Variants in NEIL3 observed in about 807,000 individuals in gnomAD.
NEIL3 encodes the protein nei like DNA glycosylase 3.
NEIL3 carries 48 observed loss-of-function variants against 57.5 expected under a neutral mutation model. That is an observed-to-expected ratio of 0.83 (90% confidence interval 0.66 to 1.06). The LOEUF is 1.06. Ranked by LOEUF, NEIL3 falls within the 50% of genes least tolerant of loss-of-function variation. The pLI is 0.00. For missense variants in NEIL3, 717 were observed against 739.1 expected, an observed-to-expected ratio of 0.97 and a Z score of 0.35; for synonymous variants, 261 against 253.2, an observed-to-expected ratio of 1.03 and a Z score of -0.29.
intron 2 of NEIL3, among the ~76,000 whole-genome samples, chr4:177,326,206 T>C (rs1734777526): frequency 6.6e-6 from 1 of 152,188 alleles, no homozygotes; most frequent in Admixed American, 6.6e-5. Flanking sequence ...TTATGATCTA[T>C]TTTGAGTTCT....
chr4:177,343,708 A>C (rs1284042408), intron 6 of NEIL3: 1 of 151,992 alleles, frequency 6.6e-6, no homozygotes, highest in Non-Finnish European at 1.5e-5. Context: ...CCGTGTTACT[A>C]TCATAGACAT....
At chr4:177,370,951 CCT>C in the NEIL3 span, among the ~76,000 whole-genome samples, 2 of 151,820 alleles carry the variant, frequency 1.3e-5, no homozygotes, top group African/African-American at 4.8e-5. Context: ...AAAAAAAGAT[CCT>C]CTGACTGCGA....
chr4:177,320,466 C>CTTTTTTTTTTTTTTTTTTTTTTTTTT (rs34353849), intron 1 of NEIL3, among the ~76,000 whole-genome samples: 1 of 77,422 alleles, frequency 1.3e-5, no homozygotes. Context: ...TGACTGCTGT[C>CTTTTTTTTTTTTTTTTTTTTTTTTTT]TTTTTTTTTT....
intron 6 of NEIL3, among the ~76,000 whole-genome samples, chr4:177,350,824 A>C (rs1397394747): frequency 6.6e-6 from 1 of 152,178 alleles, no homozygotes; most frequent in Non-Finnish European, 1.5e-5. Context: ...GGTTTAAAAA[A>C]AAGCTACTCG....
rs532358900 is a variant in NEIL3 at position 177,309,920 on chromosome 4, C to T, written c.-34C>T. On this transcript the variant is annotated 5_prime_UTR_variant, in exon 1 of 10. Coordinates refer to ENST00000264596, the MANE Select transcript of NEIL3 (RefSeq NM_018248.3). Reference sequence around the variant, plus strand: ...TGCACAGCGGTATTCTCACCAGGCCCTGCAATCGGTGGGCCACAGTGCCGG... The same window carrying T: ...TGCACAGCGGTATTCTCACCAGGCCTTGCAATCGGTGGGCCACAGTGCCGG... 5 of 1,599,324 alleles carry T rather than the reference C, an allele frequency of 3.1e-6. No individual in the cohort carries two copies. The highest frequency in any genetic ancestry group is 2.6e-6 in the Non-Finnish European group (3 of 1,174,174).
chr4:177,351,280 G>C lies in NEIL3; in HGVS notation c.870-100G>C, dbSNP rs763011252. ...ACTAACTTCCAAGCAATAATAAAGA[G>C]ATAGCATTGGGGTATTAATGGTTCT... On this transcript the variant is annotated intron_variant, in intron 6 of 9. Coordinates refer to ENST00000264596, the MANE Select transcript of NEIL3 (RefSeq NM_018248.3). 5.0e-4 allele frequency: 232 copies of C among 462,234 alleles called. 1 individual carries two copies. In the East Asian group the frequency reaches 0.013, roughly 25 times the overall value. 28.6% of individuals were successfully genotyped at this position (462,234 alleles called of 1,614,324 possible).
At chr4:177,363,592 C>T (rs569738980), downstream of NEIL3, among the ~76,000 whole-genome samples, 1 of 152,020 alleles carries the variant, frequency 6.6e-6, no homozygotes, top group Non-Finnish European at 1.5e-5. Context: ...GCTAATTGTG[C>T]AATAAAGAGG....
At chr4:177,366,461 C>A (rs769451586), downstream of NEIL3, among the ~76,000 whole-genome samples, 36 of 152,180 alleles carry the variant, frequency 2.4e-4, no homozygotes, top group African/African-American at 7.0e-4. Flanking sequence ...TGCAGTGGCA[C>A]AATCTCGGCT....
intron 9 of NEIL3, 90 bp downstream of exon 9, chr4:177,360,767 C>T: frequency 2.0e-6 from 2 of 1,003,600 alleles, no homozygotes; most frequent in Non-Finnish European, 2.8e-6. Flanking sequence ...CCTAGTTTTA[C>T]CTTTTACCTT....
At chr4:177,335,862 G>C in intron 3 of NEIL3, 40 bp downstream of exon 3, 1 of 1,502,028 alleles carries the variant, frequency 6.7e-7, no homozygotes, top group Middle Eastern at 2.2e-4. Context: ...CTGCAATACT[G>C]CAGAGCTTGG....
At chr4:177,361,923 A>T (rs1719620859) in intron 9 of NEIL3, among the ~76,000 whole-genome samples, 1 of 152,038 alleles carries the variant, frequency 6.6e-6, no homozygotes, top group South Asian at 2.1e-4. Context: ...ACCGCACCTC[A>T]CCTGATCTTA....
chr4:177,325,638 T>G (rs1232786686), intron 2 of NEIL3, among the ~76,000 whole-genome samples: 1 of 152,126 alleles, frequency 6.6e-6, no homozygotes, highest in Non-Finnish European at 1.5e-5. Flanking sequence ...GCCAAACTGT[T>G]CTTAAAAGTG....
At chr4:177,352,682 T>C (rs2110930753) in intron 7 of NEIL3, among the ~76,000 whole-genome samples, 1 of 152,046 alleles carries the variant, frequency 6.6e-6, no homozygotes, top group South Asian at 2.1e-4. Flanking sequence ...TACAAAAAAT[T>C]AGCCAGGCGT....
At chr4:177,364,174 A>G (rs1162506550), downstream of NEIL3, among the ~76,000 whole-genome samples, 1 of 148,322 alleles carries the variant, frequency 6.7e-6, no homozygotes, top group Non-Finnish European at 1.5e-5. Context: ...TAATTCTATT[A>G]TGATAAAATT....
At chr4:177,346,926 C>T (rs1256777892) in intron 6 of NEIL3, among the ~76,000 whole-genome samples, 1 of 149,894 alleles carries the variant, frequency 6.7e-6, no homozygotes, top group Non-Finnish European at 1.5e-5. Context: ...TGCTTCAACG[C>T]GGGAGGTGGA....
At chr4:177,358,420 G>C (rs796262723) in intron 8 of NEIL3, among the ~76,000 whole-genome samples, 18 of 152,264 alleles carry the variant, frequency 1.2e-4, no homozygotes, top group African/African-American at 4.3e-4. Flanking sequence ...GGATTCTTCT[G>C]ACTCAGCCTC....
chr4:177,367,700 C>T (rs1027879558), downstream of NEIL3, among the ~76,000 whole-genome samples: 9 of 152,134 alleles, frequency 5.9e-5, no homozygotes, highest in African/African-American at 2.2e-4. Context: ...TTTATCTGCC[C>T]ATTTCCTGGT....
intron 6 of NEIL3, 141 bp from the exon 7 acceptor site, chr4:177,351,229 AAAAAAAAAAG>A: frequency 2.0e-5 from 8 of 391,058 alleles, no homozygotes; most frequent in Admixed American, 8.5e-5. Context: ...AAAAAAAAAA[AAAAAAAAAAG>A]ACTCTAAGAT....
At chr4:177,366,939 G>T (rs72994209), downstream of NEIL3, among the ~76,000 whole-genome samples, 2,758 of 152,236 alleles carry the variant, frequency 0.018, 89 homozygotes, top group African/African-American at 0.063. Flanking sequence ...AGATCATTCA[G>T]TGAGGTTTTA....
Sources: allele counts gnomAD v4.1 joint callset (sites outside exome capture counted in the v4.1 genomes callset), GRCh38; gene constraint gnomAD v4.1.1; transcripts MANE v1.5; gene names NCBI Gene and HGNC (gene_info 2026-07-23, HGNC 2026-07-21).